ARHGEF28: variants seen among roughly 807,000 people sequenced by gnomAD.
ARHGEF28 encodes 190 kDa guanine nucleotide exchange factor.
Under a neutral mutation model 206.6 loss-of-function variants are expected in ARHGEF28, and 152 were observed. The observed-to-expected ratio is 0.74, with a 90% CI of 0.64 to 0.84. The LOEUF is 0.84. Among genes scored for constraint, ARHGEF28 ranks in the 40% least tolerant of loss-of-function variants. The pLI is 0.00. For missense variants in ARHGEF28, 2,028 were observed against 2,073.2 expected, an observed-to-expected ratio of 0.98 and a Z score of 0.42; for synonymous variants, 763 against 776.4, an observed-to-expected ratio of 0.98 and a Z score of 0.29.
At chr5:73,739,564 A>G (rs1054315108) in intron 2 of ARHGEF28, among the ~76,000 whole-genome samples, 1 of 152,098 alleles carries the variant, frequency 6.6e-6, no homozygotes, top group Non-Finnish European at 1.5e-5. Flanking sequence ...CACACCTATA[A>G]TCCTAACACT....
At position 73,923,036 on chromosome 5, in the gene ARHGEF28, G is replaced by A. The variant is rs16871035; in HGVS notation, c.4948+11461G>A. 104,853 of 1,482,648 alleles carry A rather than the reference G, an allele frequency of 0.071. 8,209 individuals are homozygous for A. Among genetic ancestry groups the A allele is most frequent in the African/African-American group, 0.38 (27,331 of 71,336 alleles). The allele number at this position is 1,482,648 out of a possible 1,614,324, so 91.8% of individuals were successfully genotyped here. On this transcript the variant is annotated intron_variant, in intron 35 of 35. Transcript: ENST00000513042. The stretch of plus-strand genomic sequence containing the variant: ...ACACAATGAATATTTTGGCCAAAAT[G>A]TGATGGTCTGTTAGTCAGCATCTGG...
At chr5:73,651,364 A>T (rs1315803578) in intron 1 of ARHGEF28, among the ~76,000 whole-genome samples, 2 of 152,186 alleles carry the variant, frequency 1.3e-5, no homozygotes, top group Admixed American at 6.5e-5. Flanking sequence ...TGTTGAAGCA[A>T]CTCCAGATTT....
At chr5:73,909,941 G>T (rs757930112) in intron 34 of ARHGEF28, 44 bp downstream of exon 34, 1 of 1,474,580 alleles carries the variant, frequency 6.8e-7, no homozygotes, top group Non-Finnish European at 8.9e-7. Flanking sequence ...CTCAAAGACA[G>T]GGGTGGGCCT....
At chr5:73,780,524 A>G (rs1753779871) in intron 6 of ARHGEF28, 152 bp from the exon 7 acceptor site, 4 of 716,920 alleles carry the variant, frequency 5.6e-6, no homozygotes, top group African/African-American at 3.6e-5. Context: ...GGTGCTGGCT[A>G]TATGTTCTCC....
At chr5:73,898,279 C>A in intron 30 of ARHGEF28, 186 bp downstream of exon 30, 1 of 633,388 alleles carries the variant, frequency 1.6e-6, no homozygotes. Flanking sequence ...AATAATGACA[C>A]TGGGGTTTCA....
intron 1 of ARHGEF28, among the ~76,000 whole-genome samples, chr5:73,659,005 A>ACC (rs369523140): frequency 5.5e-5 from 8 of 145,916 alleles, no homozygotes; most frequent in Non-Finnish European, 9.1e-5. Flanking sequence ...ACACACACAC[A>ACC]CCACACTCAC....
chr5:73,745,132 A>T (rs1156347793), intron 2 of ARHGEF28, among the ~76,000 whole-genome samples: 2 of 152,020 alleles, frequency 1.3e-5, no homozygotes, highest in Admixed American at 1.3e-4. Context: ...ATATTTAAGA[A>T]ACCAGAGAGT....
intron 2 of ARHGEF28, among the ~76,000 whole-genome samples, chr5:73,719,831 C>T (rs548112684): frequency 1.3e-5 from 2 of 152,334 alleles, no homozygotes; most frequent in African/African-American, 4.8e-5. Context: ...TGGAGGCAAG[C>T]CCTCGGTTGT....
intron 2 of ARHGEF28, among the ~76,000 whole-genome samples, chr5:73,735,434 C>G (rs1336462970): frequency 1.3e-5 from 2 of 152,054 alleles, no homozygotes; most frequent in Non-Finnish European, 2.9e-5. Flanking sequence ...ATCTTTGAGG[C>G]CTTACACTTT....
At chr5:73,939,913 A>G (rs1177141004) in intron 35 of ARHGEF28, among the ~76,000 whole-genome samples, 1 of 151,200 alleles carries the variant, frequency 6.6e-6, no homozygotes, top group Non-Finnish European at 1.5e-5. Context: ...TTTAATTTTT[A>G]TAAGTTTGTA....
intron 2 of ARHGEF28, among the ~76,000 whole-genome samples, chr5:73,710,896 G>T (rs1249589808): frequency 2.0e-5 from 3 of 152,080 alleles, no homozygotes; most frequent in African/African-American, 7.2e-5. Flanking sequence ...TAGAGACAGG[G>T]TTTTATCATG....
intron 26 of ARHGEF28, among the ~76,000 whole-genome samples, chr5:73,891,783 C>T (rs1003677083): frequency 5.9e-5 from 9 of 152,136 alleles, no homozygotes; most frequent in African/African-American, 1.9e-4. Flanking sequence ...CCTCGGCCTC[C>T]CAAAGTGCTG....
At chr5:73,633,637 T>G (rs1743517780) in intron 1 of ARHGEF28, among the ~76,000 whole-genome samples, 1 of 143,532 alleles carries the variant, frequency 7.0e-6, no homozygotes, top group African/African-American at 2.6e-5. Flanking sequence ...AGTGCAGTGG[T>G]GTGATCTCAG....
In ARHGEF28 at chr5:73,705,207, A is replaced by T. The variant is rs149862452; in HGVS notation, c.33+20323A>T. On this transcript the variant is annotated intron_variant, in intron 2 of 35. Coordinates refer to ENST00000513042, the MANE Select transcript of ARHGEF28 (RefSeq NM_001177693.2). ...AAGTGGAGGTGCTTTTGTCTATTGA[A>T]AGCCATTGGCACGTTGGGACAGAAG... 3.6e-3 allele frequency among the ~76,000 whole-genome samples: 546 copies of T among 152,284 alleles called. 3 individuals are homozygous for T. Among genetic ancestry groups the T allele is most frequent in the African/African-American group, 0.013 (530 of 41,566 alleles).
chr5:73,719,260 A>C (rs2112325804), intron 2 of ARHGEF28, among the ~76,000 whole-genome samples: 1 of 152,216 alleles, frequency 6.6e-6, no homozygotes, highest in Admixed American at 6.5e-5. Flanking sequence ...AAAGACAAAA[A>C]ATTAGCTGGG....
chr5:73,633,038 CA>C (rs1743465499), intron 1 of ARHGEF28, among the ~76,000 whole-genome samples: 1 of 151,888 alleles, frequency 6.6e-6, no homozygotes, highest in African/African-American at 2.4e-5. Context: ...GGTGACAGAT[CA>C]TCAGGCATTA....
intron 9 of ARHGEF28, among the ~76,000 whole-genome samples, chr5:73,827,630 G>A (rs1431606623): frequency 1.3e-5 from 2 of 152,036 alleles, no homozygotes; most frequent in Non-Finnish European, 2.9e-5. Flanking sequence ...GGCAGTTCAG[G>A]GCTCATGCTT....
chr5:73,901,853 T>G (rs548243101), intron 31 of ARHGEF28: 1 of 152,170 alleles, frequency 6.6e-6, no homozygotes, highest in Non-Finnish European at 1.5e-5. Flanking sequence ...CTTACTGCTA[T>G]AGACATAGAT....
At chr5:73,780,023 G>A (rs954446511) in intron 6 of ARHGEF28, among the ~76,000 whole-genome samples, 1 of 152,158 alleles carries the variant, frequency 6.6e-6, no homozygotes, top group East Asian at 1.9e-4. Context: ...TGTGCTGGGG[G>A]TGTCTTGGGC....
Sources: gnomAD v4.1 joint callset for allele counts (sites outside exome capture counted in the v4.1 genomes callset) on GRCh38, gnomAD v4.1.1 for gene constraint, MANE v1.5 for transcripts, NCBI Gene and HGNC (gene_info 2026-07-23, HGNC 2026-07-21) for gene names.